TENM4: variants seen among roughly 807,000 people sequenced by gnomAD.
The protein encoded by TENM4 is teneurin transmembrane protein 4, also known as teneurin-4.
Under a neutral mutation model 243.3 loss-of-function variants are expected in TENM4, and 82 were observed. The ratio of observed to expected loss-of-function variants is 0.34; its 90% CI spans 0.28 to 0.40. TENM4 has a LOEUF of 0.40. Ranked by LOEUF, TENM4 falls within the 10% of genes least tolerant of loss-of-function variation. TENM4 has a pLI of 1.00. For synonymous variants in TENM4, 1,412 were observed against 1,456.3 expected (o/e 0.97, Z 0.69); for missense variants, 3,138 against 3,673.3 (o/e 0.85, Z 3.77).
chr11:79,421,884 C>T (rs903824392), intron 1 of TENM4, among the ~76,000 whole-genome samples: 2 of 151,970 alleles, frequency 1.3e-5, no homozygotes, highest in Non-Finnish European at 2.9e-5. Context: ...CTCCTGTTGT[C>T]GGGGTGGTTT....
intron 6 of TENM4, among the ~76,000 whole-genome samples, chr11:79,059,774 C>T (rs1373323139): frequency 6.6e-6 from 1 of 152,158 alleles, no homozygotes; most frequent in Non-Finnish European, 1.5e-5. Flanking sequence ...TTCCTGCTAA[C>T]CACTGATGTG....
chr11:78,866,624 TGG>T (rs1199779420), intron 9 of TENM4, among the ~76,000 whole-genome samples: 1 of 151,976 alleles, frequency 6.6e-6, no homozygotes, highest in Non-Finnish European at 1.5e-5. Context: ...GGAGGGGTGT[TGG>T]CACCCCTTCC....
Position 78,814,415 on chromosome 11 carries a change from G to A in TENM4, c.1682-20C>T, listed in dbSNP as rs957992788. The A allele has an allele frequency of 2.6e-5, 40 of 1,544,888 alleles. No individual in the cohort carries two copies. In the Admixed American group the frequency reaches 8.0e-4, roughly 31 times the overall value. Reference sequence around the variant, plus strand: ...CCGACTCTGGGGAGAGAAAGGAGAAGGAGAGTTGAAAACAAATTTCCTTAC... The same window carrying A: ...CCGACTCTGGGGAGAGAAAGGAGAAAGAGAGTTGAAAACAAATTTCCTTAC... On this transcript the variant is annotated intron_variant, in intron 12 of 33. Transcript: ENST00000278550.
intron 26 of TENM4, among the ~76,000 whole-genome samples, chr11:78,711,799 GCT>G (rs1280274326): frequency 6.6e-6 from 1 of 152,148 alleles, no homozygotes; most frequent in Non-Finnish European, 1.5e-5. Context: ...CCCATGAACA[GCT>G]CTTTCTTCTT....
intron 6 of TENM4, among the ~76,000 whole-genome samples, chr11:79,024,130 A>T (rs1343455748): frequency 4.0e-5 from 6 of 150,950 alleles, no homozygotes; most frequent in African/African-American, 1.5e-4. Context: ...AAGGACGAAG[A>T]CAATGAACGA....
chr11:78,882,838 A>T (rs943773623), intron 9 of TENM4, among the ~76,000 whole-genome samples: 1 of 152,250 alleles, frequency 6.6e-6, no homozygotes, highest in South Asian at 2.1e-4. Flanking sequence ...GTTATAAATT[A>T]AACTATCACC....
intron 12 of TENM4, among the ~76,000 whole-genome samples, chr11:78,842,607 C>A (rs568100814): frequency 1.3e-5 from 2 of 152,346 alleles, no homozygotes; most frequent in East Asian, 3.9e-4. Context: ...ATTTTCCAGG[C>A]TCTCCTCTGG....
chr11:79,180,177 T>C (rs1863253543), intron 3 of TENM4, among the ~76,000 whole-genome samples: 1 of 151,638 alleles, frequency 6.6e-6, no homozygotes, highest in Admixed American at 6.6e-5. Context: ...AAATGCATTT[T>C]GGCAAAAAGG....
intron 10 of TENM4, among the ~76,000 whole-genome samples, chr11:78,861,395 T>G (rs1858815508): frequency 6.6e-6 from 1 of 152,230 alleles, no homozygotes; most frequent in Non-Finnish European, 1.5e-5. Flanking sequence ...CACAGGTCAG[T>G]GGCTGCAGCT....
chr11:79,369,714 C>G (rs1383496940), intron 1 of TENM4, among the ~76,000 whole-genome samples: 3 of 152,172 alleles, frequency 2.0e-5, no homozygotes, highest in Admixed American at 6.5e-5. Context: ...CCCTCTCTAC[C>G]AGCTTAACTT....
At chr11:78,814,084 C>T (rs1052974420) in intron 13 of TENM4, among the ~76,000 whole-genome samples, 18 of 152,154 alleles carry the variant, frequency 1.2e-4, no homozygotes, top group African/African-American at 2.7e-4. Context: ...CTGACCTCCC[C>T]GATCATCCAC....
intron 3 of TENM4, among the ~76,000 whole-genome samples, chr11:79,185,427 AG>A (rs1863364046): frequency 6.6e-6 from 1 of 152,234 alleles, no homozygotes; most frequent in Non-Finnish European, 1.5e-5. Flanking sequence ...GACTTTGAAA[AG>A]TGACAGACTA....
intron 2 of TENM4, among the ~76,000 whole-genome samples, chr11:79,286,487 T>C (rs190230073): frequency 8.0e-6 from 1 of 125,422 alleles, no homozygotes; most frequent in African/African-American, 3.2e-5. Context: ...ACCCCGTCTC[T>C]ACTAAAAAAT....
At chr11:78,734,386 C>T (rs1222264203) in intron 20 of TENM4, among the ~76,000 whole-genome samples, 1 of 151,988 alleles carries the variant, frequency 6.6e-6, no homozygotes, top group Non-Finnish European at 1.5e-5. Context: ...AGGGCTCATT[C>T]AGTTCCTACT....
At chr11:78,928,890 G>A (rs1856609706) in intron 6 of TENM4, among the ~76,000 whole-genome samples, 1 of 152,186 alleles carries the variant, frequency 6.6e-6, no homozygotes, top group African/African-American at 2.4e-5. Flanking sequence ...TTATGAAAGG[G>A]GAGATCTGTG....
At chr11:79,279,267 G>GCTCTCTA (rs1271775019) in intron 2 of TENM4, among the ~76,000 whole-genome samples, 2 of 152,178 alleles carry the variant, frequency 1.3e-5, no homozygotes, top group Non-Finnish European at 2.9e-5. Flanking sequence ...GAAGGCCTTA[G>GCTCTCTA]AGAGAGTACT....
intron 9 of TENM4, among the ~76,000 whole-genome samples, chr11:78,881,878 T>A (rs1855439335): frequency 6.6e-6 from 1 of 152,220 alleles, no homozygotes; most frequent in Admixed American, 6.5e-5. Context: ...CTGGAAGATA[T>A]CTGTCTGTGG....
At chr11:78,960,124 T>G (rs1450162235) in intron 6 of TENM4, among the ~76,000 whole-genome samples, 1 of 152,226 alleles carries the variant, frequency 6.6e-6, no homozygotes, top group Non-Finnish European at 1.5e-5. Flanking sequence ...GCCACAAAGC[T>G]GGGTCTGGAA....
chr11:79,334,056 A>C (rs968907015), intron 1 of TENM4, among the ~76,000 whole-genome samples: 3 of 152,240 alleles, frequency 2.0e-5, no homozygotes, highest in Admixed American at 1.3e-4. Flanking sequence ...TCTGTAGTTC[A>C]TGAGAACAGC....
Sources: allele counts gnomAD v4.1 joint callset (sites outside exome capture counted in the v4.1 genomes callset), GRCh38; gene constraint gnomAD v4.1.1; transcripts MANE v1.5; gene names NCBI Gene and HGNC (gene_info 2026-07-23, HGNC 2026-07-21).